CCSER1: variants seen among roughly 807,000 people sequenced by gnomAD.
The protein encoded by CCSER1 is coiled-coil serine rich protein 1, also known as serine-rich coiled-coil domain-containing protein 1.
CCSER1 carries 41 observed loss-of-function variants against 82.0 expected under a neutral mutation model. The ratio of observed to expected loss-of-function variants is 0.50; its 90% CI spans 0.39 to 0.65. The LOEUF is 0.65. Among genes scored for constraint, CCSER1 ranks in the 30% least tolerant of loss-of-function variants. The pLI, the probability that CCSER1 is intolerant of heterozygous loss-of-function variation, is 0.00. For synonymous variants in CCSER1, 414 were observed against 383.9 expected (o/e 1.08, Z -0.92); for missense variants, 1,119 against 1,064.2 (o/e 1.05, Z -0.72).
chr4:91,436,463 A>G (rs1007874097), intron 10 of CCSER1, among the ~76,000 whole-genome samples: 12 of 152,308 alleles, frequency 7.9e-5, no homozygotes, highest in Non-Finnish European at 2.9e-5. Flanking sequence ...TGCCTCAATG[A>G]GAGTTAATTT....
At chr4:90,917,032 T>A (rs955221773) in intron 8 of CCSER1, among the ~76,000 whole-genome samples, 2 of 152,160 alleles carry the variant, frequency 1.3e-5, no homozygotes, top group African/African-American at 4.8e-5. Flanking sequence ...CTGGAGAGGA[T>A]GTGGAGAAAT....
At chr4:90,335,457 A>C (rs1740205017) in intron 3 of CCSER1, among the ~76,000 whole-genome samples, 1 of 152,182 alleles carries the variant, frequency 6.6e-6, no homozygotes, top group Admixed American at 6.5e-5. Context: ...GGATTTTCTT[A>C]AGTATTTATT....
intron 8 of CCSER1, among the ~76,000 whole-genome samples, chr4:90,916,534 A>C (rs1421137561): frequency 6.6e-6 from 1 of 152,128 alleles, no homozygotes; most frequent in Non-Finnish European, 1.5e-5. Flanking sequence ...TAAAGACTTA[A>C]ATGTTAGACC....
intron 5 of CCSER1, among the ~76,000 whole-genome samples, chr4:90,597,294 T>C (rs1579371121): frequency 6.6e-6 from 1 of 152,016 alleles, no homozygotes. Flanking sequence ...ACTTAACTAA[T>C]TGGTATTATG....
At chr4:90,481,325 A>G (rs908739585) in intron 5 of CCSER1, among the ~76,000 whole-genome samples, 1 of 152,146 alleles carries the variant, frequency 6.6e-6, no homozygotes, top group African/African-American at 2.4e-5. Context: ...AACAGGGACA[A>G]TTTGACTTCC....
chr4:90,319,329 C>T (rs552181331), intron 3 of CCSER1, among the ~76,000 whole-genome samples: 7 of 152,264 alleles, frequency 4.6e-5, no homozygotes, highest in African/African-American at 1.4e-4. Context: ...TTCTGTTTCA[C>T]GGCATGAAAG....
intron 10 of CCSER1, among the ~76,000 whole-genome samples, chr4:91,272,085 C>G (rs746390907): frequency 1.3e-4 from 20 of 152,158 alleles, no homozygotes; most frequent in Admixed American, 2.6e-4. Context: ...GTACAAGTAT[C>G]TTTTTCATAT....
chr4:90,607,122 T>C (rs1784828960), intron 5 of CCSER1, among the ~76,000 whole-genome samples: 1 of 152,206 alleles, frequency 6.6e-6, no homozygotes, highest in South Asian at 2.1e-4. Context: ...TAGTTATGGA[T>C]GACTCTGATG....
At chr4:91,580,409 A>G (rs1266188857) in intron 10 of CCSER1, among the ~76,000 whole-genome samples, 1 of 151,748 alleles carries the variant, frequency 6.6e-6, no homozygotes, top group Non-Finnish European at 1.5e-5. Context: ...TTCTTTTCTA[A>G]CAATAATTTT....
intron 1 of CCSER1, among the ~76,000 whole-genome samples, chr4:90,213,699 A>G (rs982598223): frequency 9.2e-5 from 14 of 152,204 alleles, no homozygotes; most frequent in African/African-American, 3.1e-4. Flanking sequence ...CTCGACGCCA[A>G]GTAAGGAAAG....
intron 1 of CCSER1, among the ~76,000 whole-genome samples, chr4:90,291,122 G>C (rs184643200): frequency 1.3e-5 from 2 of 152,134 alleles, no homozygotes; most frequent in Admixed American, 1.3e-4. Flanking sequence ...TACAGAGCAA[G>C]AGTGTTTTTA....
intron 8 of CCSER1, among the ~76,000 whole-genome samples, chr4:90,914,511 T>G (rs2085095): frequency 0.053 from 8,133 of 152,080 alleles, 317 homozygotes; most frequent in East Asian, 0.12. Flanking sequence ...TGAGGGAAAT[T>G]TATAGCACTA....
intron 1 of CCSER1, among the ~76,000 whole-genome samples, chr4:90,234,023 T>C (rs1745248766): frequency 6.6e-6 from 1 of 152,164 alleles, no homozygotes; most frequent in Non-Finnish European, 1.5e-5. Flanking sequence ...TAAAAAATGT[T>C]GTGCTTATAT....
intron 10 of CCSER1, among the ~76,000 whole-genome samples, chr4:91,497,178 A>G (rs1411260214): frequency 1.3e-5 from 2 of 151,458 alleles, no homozygotes; most frequent in African/African-American, 4.8e-5. Context: ...AACCCCTTTG[A>G]GGCCTTAGGT....
chr4:90,434,222 T>C (rs1758706622), intron 4 of CCSER1, among the ~76,000 whole-genome samples: 1 of 152,140 alleles, frequency 6.6e-6, no homozygotes, highest in African/African-American at 2.4e-5. Context: ...TTTTTCCTTT[T>C]AAGTTAAGCA....
chr4:90,167,406 A>C lies in CCSER1; in HGVS notation c.-42+39575A>C, dbSNP rs567089600. ...ATCCATGGCTAAAGAAAGATTATCC[A>C]CACACTCATACGTAGTCATTAATAC... On this transcript the variant is annotated intron_variant, in intron 1 of 10. Coordinates refer to ENST00000509176, the MANE Select transcript of CCSER1 (RefSeq NM_001145065.2). Among the ~76,000 whole-genome samples, 4 of 152,262 alleles carry C rather than the reference A, an allele frequency of 2.6e-5. No homozygotes were observed. In the East Asian group the frequency reaches 5.8e-4, roughly 22 times the overall value.
At chr4:91,175,666 C>T (rs1376261424) in intron 10 of CCSER1, among the ~76,000 whole-genome samples, 5 of 151,948 alleles carry the variant, frequency 3.3e-5, no homozygotes, top group Non-Finnish European at 4.4e-5. Context: ...TTTTTGATGG[C>T]GTTGTTTCAT....
chr4:91,153,281 C>A (rs1213482180), intron 10 of CCSER1, among the ~76,000 whole-genome samples: 1 of 151,916 alleles, frequency 6.6e-6, no homozygotes. Context: ...TACTGATACC[C>A]TTTCTTCCAC....
intron 1 of CCSER1, among the ~76,000 whole-genome samples, chr4:90,170,781 G>T (rs1417099021): frequency 1.3e-5 from 2 of 151,590 alleles, no homozygotes; most frequent in Non-Finnish European, 2.9e-5. Context: ...TGGACATTTA[G>T]TTTGCTTACA....
Sources: allele counts gnomAD v4.1 joint callset (sites outside exome capture counted in the v4.1 genomes callset), GRCh38; gene constraint gnomAD v4.1.1; transcripts MANE v1.5; gene names NCBI Gene and HGNC (gene_info 2026-07-23, HGNC 2026-07-21).